The following CENPP variants were observed in gnomAD, a reference collection of about 807,000 sequenced individuals.
CENPP encodes the protein centromere protein P.
CENPP carries 24 observed loss-of-function variants against 35.6 expected under a neutral mutation model. The ratio of observed to expected loss-of-function variants is 0.67; its 90% CI spans 0.49 to 0.95. The LOEUF (loss-of-function observed/expected upper bound fraction) is 0.95. Ranked by LOEUF, CENPP falls within the 40% of genes least tolerant of loss-of-function variation. CENPP has a pLI of 0.00. For synonymous variants in CENPP, 120 were observed against 125.5 expected, an observed-to-expected ratio of 0.96 and a Z score of 0.29; for missense variants, 332 against 345.3, an observed-to-expected ratio of 0.96 and a Z score of 0.31.
chr9:92,460,341 GT>G (rs1845059235), intron 5 of CENPP: 1 of 560,770 alleles, frequency 1.8e-6, no homozygotes, highest in Non-Finnish European at 3.1e-6. Flanking sequence ...GCCAATTGTG[GT>G]TCTTTCTAGT....
chr9:92,611,734 C>T (rs562649349), intron 6 of CENPP, among the ~76,000 whole-genome samples: 5 of 152,226 alleles, frequency 3.3e-5, no homozygotes, highest in African/African-American at 1.2e-4. Context: ...GTGGAAAACC[C>T]CAAAGCAATG....
At chr9:92,343,125 A>G (rs562345922) in intron 3 of CENPP, among the ~76,000 whole-genome samples, 66 of 152,240 alleles carry the variant, frequency 4.3e-4, no homozygotes, top group Non-Finnish European at 7.9e-4. Context: ...TTGTTGTAAT[A>G]AAGTTATATT....
chr9:92,396,647 C>G (rs1842904649), intron 5 of CENPP, among the ~76,000 whole-genome samples: 1 of 151,316 alleles, frequency 6.6e-6, no homozygotes, highest in Non-Finnish European at 1.5e-5. Context: ...CACTGCAAAC[C>G]TCGACCTCCT....
At chr9:92,430,137 G>A (rs867168818) in intron 5 of CENPP, among the ~76,000 whole-genome samples, 1 of 152,090 alleles carries the variant, frequency 6.6e-6, no homozygotes, top group African/African-American at 2.4e-5. Context: ...TGATCTGGTG[G>A]ATTAAAATGG....
chr9:92,611,499 A>C, intron 6 of CENPP, 106 bp downstream of exon 6: 1 of 844,056 alleles, frequency 1.2e-6, no homozygotes, highest in Non-Finnish European at 1.8e-6. Context: ...CTAACCAAGA[A>C]CTAAAGGTCG....
chr9:92,514,116 A>G (rs1278745067), intron 5 of CENPP, among the ~76,000 whole-genome samples: 1 of 144,236 alleles, frequency 6.9e-6, no homozygotes, highest in Non-Finnish European at 1.5e-5. Context: ...AGCAATGAGA[A>G]TCGTTCACTT....
intron 4 of CENPP, among the ~76,000 whole-genome samples, chr9:92,373,566 G>A (rs1414281904): frequency 2.6e-5 from 4 of 151,974 alleles, no homozygotes; most frequent in African/African-American, 7.3e-5. Context: ...GGTGGCTCAC[G>A]CCTGTAACCC....
intron 5 of CENPP, among the ~76,000 whole-genome samples, chr9:92,512,714 T>A (rs1173363282): frequency 6.6e-6 from 1 of 152,194 alleles, no homozygotes; most frequent in Non-Finnish European, 1.5e-5. Flanking sequence ...TAACATTTAG[T>A]TAAGTTCAGT....
chr9:92,443,997 A>T (rs1844488884), intron 5 of CENPP, among the ~76,000 whole-genome samples: 1 of 152,152 alleles, frequency 6.6e-6, no homozygotes, highest in Non-Finnish European at 1.5e-5. Context: ...TGGGATAAAA[A>T]TTCAGGCTTA....
chr9:92,464,083 A>G (rs751778634), intron 5 of CENPP, among the ~76,000 whole-genome samples: 31 of 152,234 alleles, frequency 2.0e-4, no homozygotes, highest in Non-Finnish European at 3.5e-4. Flanking sequence ...AAGTAAAAAT[A>G]TGTTGTTAAT....
At chr9:92,500,877 G>A in intron 5 of CENPP, 1 of 1,614,186 alleles carries the variant, frequency 6.2e-7, no homozygotes. Flanking sequence ...GCCATCATCA[G>A]CAAGTTTGTT....
At chr9:92,461,154 T>G (rs3780349) in intron 5 of CENPP, among the ~76,000 whole-genome samples, 4,731 of 152,338 alleles carry the variant, frequency 0.031, 114 homozygotes, top group South Asian at 0.083. Context: ...TTTTGCCATA[T>G]TTCTTTTGCT....
chr9:92,468,931 T>C (rs897409096), intron 5 of CENPP, among the ~76,000 whole-genome samples: 8 of 152,216 alleles, frequency 5.3e-5, no homozygotes, highest in Non-Finnish European at 8.8e-5. Flanking sequence ...CCTGGAATGC[T>C]CCTAAAATGT....
chr9:92,527,068 G>A (rs1190358888), intron 5 of CENPP, among the ~76,000 whole-genome samples: 13 of 152,084 alleles, frequency 8.5e-5, no homozygotes. Context: ...GAGTGCAGTG[G>A]CACCATCTCA....
At chr9:92,371,797 T>C (rs1482547408) in intron 4 of CENPP, among the ~76,000 whole-genome samples, 1 of 151,246 alleles carries the variant, frequency 6.6e-6, no homozygotes, top group East Asian at 1.9e-4. Flanking sequence ...TGGGTGTATA[T>C]ATATATTTAG....
At chr9:92,337,306 G>A (rs1310338529) in intron 2 of CENPP, among the ~76,000 whole-genome samples, 2 of 151,020 alleles carry the variant, frequency 1.3e-5, no homozygotes, top group African/African-American at 2.4e-5. Context: ...CAACAAGAGC[G>A]AAACTCCTTC....
chr9:92,488,702 A>G (rs981234730), intron 5 of CENPP, among the ~76,000 whole-genome samples: 1 of 152,230 alleles, frequency 6.6e-6, no homozygotes, highest in African/African-American at 2.4e-5. Flanking sequence ...TAGGCAAAAC[A>G]ATGAACCTTC....
chr9:92,511,829 A>G (rs938379800), intron 5 of CENPP, among the ~76,000 whole-genome samples: 11 of 152,246 alleles, frequency 7.2e-5, no homozygotes, highest in Non-Finnish European at 1.5e-4. Flanking sequence ...AAAAGTATGT[A>G]AAATAGTAAA....
chr9:92,361,657 T>C (rs1052185592), intron 4 of CENPP, among the ~76,000 whole-genome samples: 1 of 151,024 alleles, frequency 6.6e-6, no homozygotes, highest in Non-Finnish European at 1.5e-5. Context: ...TTTTTTTGTA[T>C]TTTTAGTAGA....
Sources: allele counts gnomAD v4.1 joint callset (sites outside exome capture counted in the v4.1 genomes callset), GRCh38; gene constraint gnomAD v4.1.1; transcripts MANE v1.5; gene names NCBI Gene and HGNC (gene_info 2026-07-23, HGNC 2026-07-21).